Variants in ERBB4 observed in about 807,000 individuals in gnomAD.
The protein encoded by ERBB4 is receptor tyrosine-protein kinase erbB-4.
Under a neutral mutation model 158.0 loss-of-function variants are expected in ERBB4, and 42 were observed. That is an observed-to-expected ratio of 0.27 (90% CI 0.21 to 0.34). The LOEUF (loss-of-function observed/expected upper bound fraction) is 0.34. ERBB4 is among the 10% of genes least tolerant of loss of function. The pLI is 1.00. For synonymous variants in ERBB4, 583 were observed against 558.7 expected, an observed-to-expected ratio of 1.04 and a Z score of -0.61; for missense variants, 1,333 against 1,624.1, an observed-to-expected ratio of 0.82 and a Z score of 3.08.
chr2:212,161,070 C>A (rs1207100355), intron 1 of ERBB4, among the ~76,000 whole-genome samples: 2 of 151,910 alleles, frequency 1.3e-5, no homozygotes, highest in African/African-American at 4.8e-5. Context: ...TATGTCATCT[C>A]CACAAGCTTA....
At chr2:212,420,792 C>T (rs2091774366) in intron 1 of ERBB4, among the ~76,000 whole-genome samples, 1 of 152,104 alleles carries the variant, frequency 6.6e-6, no homozygotes, top group South Asian at 2.1e-4. Flanking sequence ...ATTTCTTGCT[C>T]AATGGCTGTC....
At chr2:211,905,763 T>TATATATATATAC (rs566719974) in intron 3 of ERBB4, among the ~76,000 whole-genome samples, 48 of 141,516 alleles carry the variant, frequency 3.4e-4, no homozygotes, top group African/African-American at 1.2e-3. Context: ...TATATATATA[T>TATATATATATAC]ACTATTATGT....
chr2:211,598,221 G>C (rs2068696467), intron 19 of ERBB4, among the ~76,000 whole-genome samples: 1 of 152,092 alleles, frequency 6.6e-6, no homozygotes, highest in African/African-American at 2.4e-5. Flanking sequence ...TGCTTACACA[G>C]AAATTCTAGA....
At chr2:211,984,234 A>C (rs2081879177) in intron 2 of ERBB4, among the ~76,000 whole-genome samples, 1 of 152,130 alleles carries the variant, frequency 6.6e-6, no homozygotes, top group Non-Finnish European at 1.5e-5. Context: ...TATGCCATTC[A>C]AAGAGTAGAG....
intron 1 of ERBB4, chr2:212,429,347 C>G (rs1426074791): frequency 7.9e-5 from 12 of 152,202 alleles, no homozygotes; most frequent in Non-Finnish European, 1.5e-5. Context: ...GCACAGGAGT[C>G]TACTGATAAT....
intron 20 of ERBB4, among the ~76,000 whole-genome samples, chr2:211,514,616 T>C (rs1228977613): frequency 2.0e-5 from 3 of 152,114 alleles, no homozygotes; most frequent in Admixed American, 1.3e-4. Context: ...GGCTCTACTA[T>C]AAAAGATGAA....
intron 1 of ERBB4, among the ~76,000 whole-genome samples, chr2:212,288,393 T>C (rs189778709): frequency 1.3e-5 from 2 of 152,264 alleles, no homozygotes; most frequent in East Asian, 1.9e-4. Flanking sequence ...ACGAACATAC[T>C]ATTAACATCA....
chr2:212,008,103 C>G (rs1263938044), intron 2 of ERBB4, among the ~76,000 whole-genome samples: 1 of 152,002 alleles, frequency 6.6e-6, no homozygotes. Flanking sequence ...AAGATATTTT[C>G]AATTACTTAC....
intron 1 of ERBB4, among the ~76,000 whole-genome samples, chr2:212,452,632 T>G (rs541955639): frequency 4.0e-4 from 61 of 152,220 alleles, no homozygotes; most frequent in African/African-American, 1.4e-3. Context: ...AAAAATAATT[T>G]TAACATATAT....
intron 1 of ERBB4, among the ~76,000 whole-genome samples, chr2:212,365,633 A>T (rs1041315937): frequency 2.6e-5 from 4 of 151,948 alleles, no homozygotes; most frequent in Admixed American, 2.0e-4. Context: ...AAGAAGAAGT[A>T]TATGTAGGAA....
chr2:211,641,113 T>C lies in ERBB4; in HGVS notation c.1947-10519A>G, dbSNP rs149376458. Among the ~76,000 whole-genome samples the C allele has an allele frequency of 1.1e-3, 166 of 152,258 alleles. 1 individual carries two copies. Among genetic ancestry groups the C allele is most frequent in the African/African-American group, 3.8e-3 (159 of 41,558 alleles). ...CAAGACCCATACCTGTTGATTTTAT[T>C]AATAGCTTCACATTTTTAATTAAAG... On this transcript the variant is annotated intron_variant, in intron 16 of 27. Coordinates refer to ENST00000342788, the MANE Select transcript of ERBB4 (RefSeq NM_005235.3).
At chr2:211,939,984 T>TAG (rs59843222) in intron 3 of ERBB4, among the ~76,000 whole-genome samples, 1 of 141,474 alleles carries the variant, frequency 7.1e-6, no homozygotes, top group Non-Finnish European at 1.6e-5. Context: ...TATATATGTA[T>TAG]ATAGATAGAT....
At chr2:211,646,692 G>A (rs890946857) in intron 16 of ERBB4, among the ~76,000 whole-genome samples, 12 of 151,598 alleles carry the variant, frequency 7.9e-5, no homozygotes, top group African/African-American at 2.9e-4. Flanking sequence ...TGCAATTAAC[G>A]CAACAGGTAT....
intron 1 of ERBB4, among the ~76,000 whole-genome samples, chr2:212,531,733 C>CA (rs1203077216): frequency 1.3e-5 from 2 of 151,726 alleles, no homozygotes; most frequent in Non-Finnish European, 2.9e-5. Flanking sequence ...TAAAAAAAAA[C>CA]AAAAAGAAAG....
chr2:211,933,926 T>C (rs2125104776), intron 3 of ERBB4, among the ~76,000 whole-genome samples: 1 of 152,156 alleles, frequency 6.6e-6, no homozygotes, highest in East Asian at 1.9e-4. Flanking sequence ...GAAATATACT[T>C]GTTTCAATAA....
intron 1 of ERBB4, among the ~76,000 whole-genome samples, chr2:212,411,206 A>C (rs2106487600): frequency 6.6e-6 from 1 of 152,276 alleles, no homozygotes; most frequent in East Asian, 1.9e-4. Flanking sequence ...AGAATTCTGC[A>C]CTTATACCTA....
chr2:212,052,597 C>A (rs946244441), intron 2 of ERBB4, among the ~76,000 whole-genome samples: 14 of 152,126 alleles, frequency 9.2e-5, no homozygotes, highest in Non-Finnish European at 2.1e-4. Flanking sequence ...CCCAGTTGTC[C>A]AATAGAAATG....
At chr2:212,458,318 C>G (rs1688403591) in intron 1 of ERBB4, among the ~76,000 whole-genome samples, 1 of 151,928 alleles carries the variant, frequency 6.6e-6, no homozygotes, top group Non-Finnish European at 1.5e-5. Context: ...GGTAAGAATT[C>G]TCTTTTTAGT....
intron 8 of ERBB4, 41 bp downstream of exon 8, chr2:211,713,494 A>G (rs2073783313): frequency 2.4e-6 from 3 of 1,229,372 alleles, no homozygotes; most frequent in Admixed American, 1.7e-5. Flanking sequence ...ACCTTGTTAT[A>G]TAGGCCCAGT....
Sources: allele counts gnomAD v4.1 joint callset (sites outside exome capture counted in the v4.1 genomes callset), GRCh38; gene constraint gnomAD v4.1.1; transcripts MANE v1.5; gene names NCBI Gene and HGNC (gene_info 2026-07-23, HGNC 2026-07-21).